Variants in ACTL6B observed in about 807,000 individuals in gnomAD.
ACTL6B encodes the protein actin like 6B.
In ACTL6B, 48 loss-of-function variants were observed where a neutral mutation model predicts 63.3. That is an observed-to-expected ratio of 0.76 (90% CI 0.60 to 0.96). ACTL6B has a LOEUF of 0.96. Among genes scored for constraint, ACTL6B ranks in the 50% least tolerant of loss-of-function variants. The probability of loss-of-function intolerance (pLI) is 0.00; values close to 1 mark genes in which losing one functional copy is unlikely to be tolerated. For synonymous variants in ACTL6B, 230 were observed against 223.8 expected (o/e 1.03, Z -0.25); for missense variants, 350 against 572.2 (o/e 0.61, Z 3.96).
intron 4 of ACTL6B, among the ~76,000 whole-genome samples, chr7:100,653,795 A>G (rs1256568105): frequency 3.9e-5 from 6 of 152,286 alleles, no homozygotes; most frequent in Middle Eastern, 6.8e-3. Flanking sequence ...CATTTTCTAA[A>G]GTGGAAAATT....
intron 4 of ACTL6B, among the ~76,000 whole-genome samples, chr7:100,652,202 T>C (rs1225690458): frequency 1.3e-5 from 2 of 151,408 alleles, no homozygotes; most frequent in African/African-American, 4.9e-5. Flanking sequence ...ATGGAGACCA[T>C]CCTGGCTAAC....
At position 100,646,790 on chromosome 7, in the gene ACTL6B, C is replaced by T; in HGVS notation, c.978G>A (p.Val326=). 6.2e-7 allele frequency: 1 copy of T among 1,613,574 alleles called. No individual in the cohort carries two copies. The highest frequency in any genetic ancestry group is 8.5e-7 in the Non-Finnish European group (1 of 1,179,996). Residue 326 remains valine (V), a synonymous_variant, in exon 11 of 14, where the codon GTG becomes GTA. Transcript: ENST00000160382. The surrounding 1 kb of genome is among the most constrained non-coding windows in gnomAD (Gnocchi z 6.1). ...TGTCACACATGCCGATGCTGGTGGT[C>T]ACCACGTGGCCCACACCCAACATGG... ...GNTMLGVGHV[V]TTSIGMCDID...
chr7:100,644,516 C>G (rs540766490), intron 13 of ACTL6B, among the ~76,000 whole-genome samples: 1 of 152,152 alleles, frequency 6.6e-6, no homozygotes, highest in East Asian at 1.9e-4. Flanking sequence ...TGCAGTGGCA[C>G]AGCTCACTGC....
chr7:100,655,735 G>T lies in ACTL6B; in HGVS notation c.102+68C>A. Reference sequence around the variant, plus strand: ...CTTCTGGGCGATCTGGGAGAGCCCTGGGTCACTGGAAAGCCTGAAGAAGGG... The same window carrying T: ...CTTCTGGGCGATCTGGGAGAGCCCTTGGTCACTGGAAAGCCTGAAGAAGGG... On this transcript the variant is annotated intron_variant, in intron 2 of 13. Coordinates refer to ENST00000160382, the MANE Select transcript of ACTL6B (RefSeq NM_016188.5). This position sits in a 1 kb window ranked among gnomAD's most constrained non-coding sequence, Gnocchi z 4.4. The T allele has an allele frequency of 6.5e-7, 1 of 1,531,534 alleles. No homozygotes were observed. The highest frequency in any genetic ancestry group is 2.1e-5 in the Admixed American group (1 of 48,170). The allele number at this position is 1,531,534 out of a possible 1,614,324, so 94.9% of individuals were successfully genotyped here.
At chr7:100,644,917 G>T (rs780259195) in intron 13 of ACTL6B, among the ~76,000 whole-genome samples, 2 of 152,038 alleles carry the variant, frequency 1.3e-5, no homozygotes, top group Non-Finnish European at 2.9e-5. Context: ...TTAGCCAGGC[G>T]TGGTGGCTCA....
chr7:100,647,227 C>A lies in ACTL6B; in HGVS notation c.817G>T (p.Glu273Ter). Residue 273 changes from glutamate to a stop codon, truncating the protein, a stop_gained, in exon 9 of 14, where the codon GAA becomes TAA. Coordinates refer to ENST00000160382, the MANE Select transcript of ACTL6B (RefSeq NM_016188.5). LOFTEE classifies it high-confidence loss of function. The surrounding 1 kb of genome is among the most constrained non-coding windows in gnomAD (Gnocchi z 4.4). ...VLQVSDSPYD[E>*]QVAAQMPTVH... is the part of the protein sequence containing the mutation. Reference sequence around the variant, plus strand: ...AAAGCCCTGAGCCACACTCACTGTTCATCGTAGGGGGAGTCTGAGACCTGC... The same window carrying A: ...AAAGCCCTGAGCCACACTCACTGTTAATCGTAGGGGGAGTCTGAGACCTGC... 3 of 1,589,648 alleles carry A rather than the reference C, an allele frequency of 1.9e-6. No homozygotes were observed. The highest frequency in any genetic ancestry group is 2.6e-6 in the Non-Finnish European group (3 of 1,167,554).
At chr7:100,645,927 C>T (rs747073076) in intron 13 of ACTL6B, among the ~76,000 whole-genome samples, 10 of 152,190 alleles carry the variant, frequency 6.6e-5, no homozygotes, top group Non-Finnish European at 1.5e-4. Flanking sequence ...CCACTGTGCG[C>T]AGCCTCTTCT....
intron 4 of ACTL6B, 140 bp downstream of exon 4, chr7:100,654,879 T>G: frequency 1.5e-6 from 1 of 677,194 alleles, no homozygotes; most frequent in Non-Finnish European, 2.5e-6. Flanking sequence ...AGGAAATTGT[T>G]TGGGATGGGT....
rs1277806615 is a variant in ACTL6B, at chr7:100,649,204, G to C, written c.468-381C>G. Among the ~76,000 whole-genome samples the C allele has an allele frequency of 5.3e-5, 8 of 151,854 alleles. No homozygotes were observed. The East Asian group carries it at 1.2e-3, about 22-fold the overall frequency. On this transcript the variant is annotated intron_variant, in intron 5 of 13. Transcript: ENST00000160382. ...AGATGGGATTTCACCGTGTTAGCCAGGATGGTCTCGATCTCCTGACCTCGT... is the reference window on the plus strand; with the variant it reads ...AGATGGGATTTCACCGTGTTAGCCACGATGGTCTCGATCTCCTGACCTCGT...
At chr7:100,649,092 A>G (rs1803881088) in intron 5 of ACTL6B, among the ~76,000 whole-genome samples, 1 of 150,326 alleles carries the variant, frequency 6.7e-6, no homozygotes, top group African/African-American at 2.5e-5. Flanking sequence ...TCCCGGGTTC[A>G]TGCCATTCTC....
At chr7:100,645,113 G>A (rs541763789) in intron 13 of ACTL6B, among the ~76,000 whole-genome samples, 58 of 152,260 alleles carry the variant, frequency 3.8e-4, no homozygotes, top group Admixed American at 6.5e-4. Context: ...ACATGCTTCA[G>A]CCCTGAGCTA....
At chr7:100,652,795 G>C (rs1354040840) in intron 4 of ACTL6B, among the ~76,000 whole-genome samples, 1 of 150,720 alleles carries the variant, frequency 6.6e-6, no homozygotes, top group Non-Finnish European at 1.5e-5. Context: ...GAGGTCAAGA[G>C]ATCGAGACCA....
At chr7:100,652,115 G>A (rs1274263140) in intron 4 of ACTL6B, among the ~76,000 whole-genome samples, 1 of 152,086 alleles carries the variant, frequency 6.6e-6, no homozygotes, top group African/African-American at 2.4e-5. Flanking sequence ...AAATTGATGA[G>A]AGGCCAGGTG....
intron 4 of ACTL6B, among the ~76,000 whole-genome samples, chr7:100,651,945 G>A (rs950527854): frequency 3.3e-5 from 5 of 152,130 alleles, no homozygotes; most frequent in Non-Finnish European, 7.4e-5. Context: ...AAGGAGTCAA[G>A]TACAGGAAAC....
chr7:100,649,766 C>T (rs1020182479), intron 5 of ACTL6B, among the ~76,000 whole-genome samples: 10 of 152,316 alleles, frequency 6.6e-5, no homozygotes, highest in African/African-American at 2.2e-4. Flanking sequence ...CTCCTCTGTC[C>T]AGTTCCAGCC....
chr7:100,644,465 T>C (rs1384078704), intron 13 of ACTL6B, among the ~76,000 whole-genome samples: 2 of 152,046 alleles, frequency 1.3e-5, no homozygotes, highest in Non-Finnish European at 2.9e-5. Context: ...TTTTTTGGGT[T>C]TTTTTTGAGA....
intron 4 of ACTL6B, among the ~76,000 whole-genome samples, chr7:100,652,259 G>T (rs561018664): frequency 1.9e-3 from 282 of 152,084 alleles, no homozygotes; most frequent in Non-Finnish European, 3.3e-3. Flanking sequence ...TTAGCCGGGC[G>T]TGGTGGTGGG....
rs1803829180 is a variant in ACTL6B at position 100,646,713 on chromosome 7, G to A, written c.1017+38C>T. 2.5e-6 allele frequency: 4 copies of A among 1,613,036 alleles called. No individual in the cohort carries two copies. The highest frequency in any genetic ancestry group is 2.2e-5 in the South Asian group (2 of 91,072). ...CAACCCCGTCTCCCCACTTCCCCTG[G>A]GCCCCTTTGCCGAGCCTCAGCTCCG... is the stretch of plus-strand genomic sequence containing the variant. On this transcript the variant is annotated intron_variant, in intron 11 of 13. Transcript: ENST00000160382. The surrounding 1 kb of genome is among the most constrained non-coding windows in gnomAD (Gnocchi z 6.1).
chr7:100,643,365 G>C, intron 13 of ACTL6B, 39 bp from the exon 14 acceptor site: 1 of 1,608,312 alleles, frequency 6.2e-7, no homozygotes. Flanking sequence ...GGGTGGCCTT[G>C]GAGGGAGGTG....
Sources: allele counts gnomAD v4.1 joint callset (sites outside exome capture counted in the v4.1 genomes callset), GRCh38; gene constraint gnomAD v4.1.1; non-coding constraint Gnocchi (gnomAD v3.1); transcripts MANE v1.5; gene names NCBI Gene and HGNC (gene_info 2026-07-23, HGNC 2026-07-21).